OR2A25: variants seen among roughly 807,000 people sequenced by gnomAD.
OR2A25 encodes the protein olfactory receptor 2A25.
For synonymous variants in OR2A25, 162 were observed against 148.1 expected (o/e 1.09, Z -0.68); for missense variants, 362 against 368.3 (o/e 0.98, Z 0.14).
intron 1 of OR2A25, chr7:144,070,269 T>A (rs2051055809): frequency 1.3e-5 from 2 of 152,110 alleles, no homozygotes; most frequent in South Asian, 4.1e-4. Flanking sequence ...CCCCCAATAA[T>A]CTTTTTGGAA....
At chr7:144,072,192 T>C (rs1042437875) in intron 1 of OR2A25, among the ~76,000 whole-genome samples, 1 of 152,038 alleles carries the variant, frequency 6.6e-6, no homozygotes, top group Non-Finnish European at 1.5e-5. Context: ...CAATTATGAA[T>C]TTTTCTGTTT....
Position 144,075,101 on chromosome 7 carries a change from G to C in OR2A25, c.882G>C (p.Lys294Asn). The part of the protein sequence containing the change: ...LNPLIYSLRN[K>N]EVQGTLKRML... ...CCCTAATTTATAGTCTTAGGAACAA[G>C]GAAGTCCAAGGTACTCTAAAGAGGA... Residue 294 changes from lysine to asparagine, a missense_variant, in exon 2 of 2, where the codon AAG (lysine) becomes AAC (asparagine). By Grantham distance (94) the Lys-to-Asn change is moderately conservative. Coordinates refer to ENST00000641663, the MANE Select transcript of OR2A25 (RefSeq NM_001386096.1). 1 of 1,614,026 alleles carries C rather than the reference G, an allele frequency of 6.2e-7. No homozygotes were observed. Among genetic ancestry groups the C allele is most frequent in the Non-Finnish European group, 8.5e-7 (1 of 1,179,948 alleles).
At position 144,075,268 on chromosome 7, in the gene OR2A25, A is replaced by C; in HGVS notation, c.*116A>C. 2.6e-6 allele frequency: 2 copies of C among 774,716 alleles called. No homozygotes were observed. The highest frequency in any genetic ancestry group is 2.1e-6 in the Non-Finnish European group (1 of 478,988). 48.0% of individuals were successfully genotyped at this position (774,716 alleles called of 1,614,324 possible). The stretch of plus-strand genomic sequence containing the variant: ...AGAGAACCCTTTCCATCTTCTTGAA[A>C]TTTTCCTATGACTACCTCCCGAGAA... On this transcript the variant is annotated 3_prime_UTR_variant, in exon 2 of 2. Coordinates refer to ENST00000641663, the MANE Select transcript of OR2A25 (RefSeq NM_001386096.1).
In OR2A25 at chr7:144,074,886, G is replaced by A. The variant is rs781101211; in HGVS notation, c.667G>A (p.Ala223Thr). The part of the protein sequence containing the change: ...TVISYVHILC[A>T]ILKIQSGEGC... ...AATATCTTATGTTCATATTCTATGT[G>A]CCATTCTAAAGATCCAGTCAGGAGA... Residue 223 changes from alanine (A) to threonine (T), a missense_variant, in exon 2 of 2, where the codon GCC (alanine) becomes ACC (threonine). Physicochemically the swap from Ala to Thr is moderately conservative, Grantham distance 58. Coordinates refer to ENST00000641663, the MANE Select transcript of OR2A25 (RefSeq NM_001386096.1). The A allele has an allele frequency of 2.5e-6, 4 of 1,613,970 alleles. No individual in the cohort carries two copies. Among genetic ancestry groups the A allele is most frequent in the Non-Finnish European group, 3.4e-6 (4 of 1,180,036 alleles).
chr7:144,073,110 G>T (rs1448436227), intron 1 of OR2A25, among the ~76,000 whole-genome samples: 2 of 152,054 alleles, frequency 1.3e-5, no homozygotes, highest in Non-Finnish European at 2.9e-5. Context: ...GGAAACAAAA[G>T]AGAAGTTGAC....
In OR2A25 at chr7:144,074,706, C is replaced by G; in HGVS notation, c.487C>G (p.Leu163Val). ...LLALVHLVLL[L>V]PLSFCGPQKL... ...GGCCCTTGTCCATCTAGTGTTACTGCTACCACTGTCCTTCTGTGGACCCCA... is the reference window on the plus strand; with the variant it reads ...GGCCCTTGTCCATCTAGTGTTACTGGTACCACTGTCCTTCTGTGGACCCCA... Residue 163 changes from leucine (L) to valine (V), a missense_variant, in exon 2 of 2, where the codon CTA (leucine) becomes GTA (valine). Coordinates refer to ENST00000641663, the MANE Select transcript of OR2A25 (RefSeq NM_001386096.1). The G allele has an allele frequency of 6.2e-7, 1 of 1,614,116 alleles. No homozygotes were observed. Among genetic ancestry groups the G allele is most frequent in the East Asian group, 2.2e-5 (1 of 44,884 alleles).
At chr7:144,070,563 A>C (rs538718120) in intron 1 of OR2A25, among the ~76,000 whole-genome samples, 1 of 152,148 alleles carries the variant, frequency 6.6e-6, no homozygotes, top group East Asian at 1.9e-4. Context: ...CCTAATGTAG[A>C]TAATTTATTT....
chr7:144,070,704 G>A (rs891025390), intron 1 of OR2A25, among the ~76,000 whole-genome samples: 1 of 151,802 alleles, frequency 6.6e-6, no homozygotes, highest in African/African-American at 2.4e-5. Flanking sequence ...CTAATTGACT[G>A]CAAACTAGAT....
rs1563036039 is a variant in OR2A25 at position 144,074,970 on chromosome 7, T to C, written c.751T>C (p.Tyr251His). The stretch of plus-strand genomic sequence containing the variant: ...CCACCTCTGTGTGGTTGGACTCTTT[T>C]ATGGCACAGCCATCATCATGTATGT... ...SSHLCVVGLFYGTAIIMYVEP... is the reference protein window; with the variant it reads ...SSHLCVVGLFHGTAIIMYVEP... The change falls in exon 2 of 2, where the codon TAT becomes CAT. Residue 251 changes from tyrosine to histidine, a missense_variant. By Grantham distance (83) the Tyr-to-His change is moderately conservative. Coordinates refer to ENST00000641663, the MANE Select transcript of OR2A25 (RefSeq NM_001386096.1). 6.2e-7 allele frequency: 1 copy of C among 1,614,196 alleles called. No individual in the cohort carries two copies.
chr7:144,070,132 G>A (rs961263034), intron 1 of OR2A25, among the ~76,000 whole-genome samples: 2 of 152,100 alleles, frequency 1.3e-5, no homozygotes, highest in Non-Finnish European at 2.9e-5. Context: ...AGATGGCAGT[G>A]TGCGTGATGG....
Position 144,075,833 on chromosome 7 carries a change from A to AG in OR2A25, c.*681_*682insG, listed in dbSNP as rs2051110203. On this transcript the variant is annotated 3_prime_UTR_variant, in exon 2 of 2. Coordinates refer to ENST00000641663, the MANE Select transcript of OR2A25 (RefSeq NM_001386096.1). ...GGGACACAGCGAGACTCCGTCTCAA[A>AG]AAAAAAAAAAAGAAAGTGTCATATT... The AG allele has an allele frequency of 6.7e-6, 1 of 149,606 alleles. No homozygotes were observed. The highest frequency in any genetic ancestry group is 1.5e-5 in the Non-Finnish European group (1 of 67,486). 9.3% of individuals were successfully genotyped at this position (149,606 alleles called of 1,614,324 possible).
chr7:144,075,095 G>T lies in OR2A25; in HGVS notation c.876G>T (p.Arg292Ser). The T allele has an allele frequency of 6.2e-7, 1 of 1,614,038 alleles. No homozygotes were observed. Residue 292 changes from arginine to serine, a missense_variant, in exon 2 of 2, where the codon AGG (arginine) becomes AGT (serine). Physicochemically the swap from Arg to Ser is moderately radical, Grantham distance 110. Coordinates refer to ENST00000641663, the MANE Select transcript of OR2A25 (RefSeq NM_001386096.1). ...TTAATCCCCTAATTTATAGTCTTAGGAACAAGGAAGTCCAAGGTACTCTAA... is the reference window on the plus strand; with the variant it reads ...TTAATCCCCTAATTTATAGTCTTAGTAACAAGGAAGTCCAAGGTACTCTAA... The part of the protein sequence containing the change: ...PMLNPLIYSL[R>S]NKEVQGTLKR...
At chr7:144,074,132 C>A in intron 1 of OR2A25, 84 bp from the exon 2 acceptor site, 1 of 1,258,644 alleles carries the variant, frequency 7.9e-7, no homozygotes, top group Non-Finnish European at 1.1e-6. Context: ...AGAAAACACT[C>A]AAACAATAAT....
chr7:144,074,861 A>G lies in OR2A25; in HGVS notation c.642A>G (p.Val214=). The G allele has an allele frequency of 6.2e-7, 1 of 1,614,108 alleles. No homozygotes were observed. The highest frequency in any genetic ancestry group is 1.6e-4 in the Middle Eastern group (1 of 6,062). ...SVLVGAFFST[V]ISYVHILCAI... ...TGGTGGGAGCCTTCTTTTCCACTGT[A>G]ATATCTTATGTTCATATTCTATGTG... The change falls in exon 2 of 2, where the codon GTA becomes GTG. Residue 214 remains valine, a synonymous_variant. Coordinates refer to ENST00000641663, the MANE Select transcript of OR2A25 (RefSeq NM_001386096.1).
chr7:144,074,736 C>G lies in OR2A25; in HGVS notation c.517C>G (p.Leu173Val), dbSNP rs563462752. 1.4e-4 allele frequency: 229 copies of G among 1,614,048 alleles called. 1 individual carries two copies. In the Admixed American group the frequency reaches 3.7e-3, roughly 26 times the overall value. ...ACTGTCCTTCTGTGGACCCCAGAAA[C>G]TTAATCACTTTTTCTGTGAAATTAT... ...LPLSFCGPQK[L>V]NHFFCEIMAV... is the part of the protein sequence containing the mutation. Residue 173 changes from leucine to valine, a missense_variant, in exon 2 of 2, where the codon CTT (leucine) becomes GTT (valine). Coordinates refer to ENST00000641663, the MANE Select transcript of OR2A25 (RefSeq NM_001386096.1).
chr7:144,070,621 G>A (rs927633561), intron 1 of OR2A25, among the ~76,000 whole-genome samples: 4 of 151,880 alleles, frequency 2.6e-5, no homozygotes, highest in African/African-American at 9.7e-5. Flanking sequence ...AGGTAAAATA[G>A]TTGTTTGTGG....
rs769655465 is a variant in OR2A25, at chr7:144,074,546, A to T, written c.327A>T (p.Thr109=). 6.2e-7 allele frequency: 1 copy of T among 1,614,230 alleles called. No individual in the cohort carries two copies. Among genetic ancestry groups the T allele is most frequent in the Admixed American group, 1.7e-5 (1 of 60,024 alleles). Reference sequence around the variant, plus strand: ...TTCTGTTTTTGAGTTTTGCACATACAGAATGTCTCCTCCTGGTGGTGATGT... The same window carrying T: ...TTCTGTTTTTGAGTTTTGCACATACTGAATGTCTCCTCCTGGTGGTGATGT... ...QMFLFLSFAH[T]ECLLLVVMSY... The change falls in exon 2 of 2, where the codon ACA becomes ACT. Residue 109 remains threonine (T), a synonymous_variant. Coordinates refer to ENST00000641663, the MANE Select transcript of OR2A25 (RefSeq NM_001386096.1).
intron 1 of OR2A25, among the ~76,000 whole-genome samples, chr7:144,073,305 T>C (rs527741314): frequency 6.6e-6 from 1 of 152,202 alleles, no homozygotes; most frequent in African/African-American, 2.4e-5. Flanking sequence ...AGTACACAGA[T>C]TTGATCTTTA....
rs2051105385 is a variant in OR2A25, at chr7:144,075,373, A to G, written c.*221A>G. On this transcript the variant is annotated 3_prime_UTR_variant, in exon 2 of 2. Transcript: ENST00000641663. The stretch of plus-strand genomic sequence containing the variant: ...AAAAATATGTTTATACTAGCTGTAT[A>G]GTGTACACACTTTTAATATAATTAT... The G allele has an allele frequency of 2.3e-6, 1 of 437,384 alleles. No individual in the cohort carries two copies. Among genetic ancestry groups the G allele is most frequent in the South Asian group, 4.0e-5 (1 of 24,714 alleles). The allele number at this position is 437,384 out of a possible 1,614,324, so 27.1% of individuals were successfully genotyped here. A position where few individuals can be genotyped will look rare whatever the true frequency, so the allele number is the denominator to read the frequency against.
Sources: gnomAD v4.1 joint callset for allele counts (sites outside exome capture counted in the v4.1 genomes callset) on GRCh38, gnomAD v4.1.1 for gene constraint, MANE v1.5 for transcripts, NCBI Gene and HGNC (gene_info 2026-07-23, HGNC 2026-07-21) for gene names.